The following MAP4K3 variants were observed in gnomAD, a reference collection of about 807,000 sequenced individuals.
MAP4K3 encodes the protein mitogen-activated protein kinase kinase kinase kinase 3, also known as MAPK/ERK kinase kinase kinase 3.
Under a neutral mutation model 143.5 loss-of-function variants are expected in MAP4K3, and 94 were observed. That is an observed-to-expected ratio of 0.65 (90% CI 0.55 to 0.78). MAP4K3 has a LOEUF of 0.78. Ranked by LOEUF, MAP4K3 falls within the 30% of genes least tolerant of loss-of-function variation. The pLI is 0.00. For missense variants in MAP4K3, 1,077 were observed against 1,068.1 expected, an observed-to-expected ratio of 1.01 and a Z score of -0.12; for synonymous variants, 416 against 347.2, an observed-to-expected ratio of 1.20 and a Z score of -2.20.
chr2:39,279,309 G>T (rs1180749201), intron 23 of MAP4K3, among the ~76,000 whole-genome samples: 1 of 152,168 alleles, frequency 6.6e-6, no homozygotes, highest in East Asian at 1.9e-4. Flanking sequence ...CATAAGATTT[G>T]TGGTCAGACA....
At chr2:39,368,500 C>G (rs984806472) in intron 2 of MAP4K3, among the ~76,000 whole-genome samples, 4 of 151,712 alleles carry the variant, frequency 2.6e-5, no homozygotes, top group African/African-American at 9.6e-5. Context: ...GACCCAGTCT[C>G]TACAAAAAAA....
intron 2 of MAP4K3, among the ~76,000 whole-genome samples, chr2:39,371,455 G>A (rs575462911): frequency 1.4e-4 from 21 of 152,252 alleles, no homozygotes; most frequent in African/African-American, 5.1e-4. Flanking sequence ...AGGAAAGAGT[G>A]GAATGTTTAA....
chr2:39,309,285 A>C (rs1682851908), intron 14 of MAP4K3, among the ~76,000 whole-genome samples, 176 bp downstream of exon 14: 1 of 152,128 alleles, frequency 6.6e-6, no homozygotes, highest in African/African-American at 2.4e-5. Context: ...TGCCACGTCA[A>C]CTAAGTTTTA....
At position 39,284,644 on chromosome 2, in the gene MAP4K3, G is replaced by A. The variant is rs573775553; in HGVS notation, c.1588-2090C>T. Among the ~76,000 whole-genome samples, 19 of 151,846 alleles carry A rather than the reference G, an allele frequency of 1.3e-4. 1 individual carries two copies. The East Asian group carries it at 3.8e-3, about 30-fold the overall frequency. On this transcript the variant is annotated intron_variant, in intron 21 of 33. Transcript: ENST00000263881. ...GCAGATCATGAGGTCAAGGATTCGAGACCAGCCTGACCAACATGGTGAAAC... is the reference window on the plus strand; with the variant it reads ...GCAGATCATGAGGTCAAGGATTCGAAACCAGCCTGACCAACATGGTGAAAC...
chr2:39,424,366 G>A (rs536038278), intron 1 of MAP4K3, among the ~76,000 whole-genome samples: 36 of 152,274 alleles, frequency 2.4e-4, no homozygotes, highest in African/African-American at 8.7e-4. Context: ...GATGGAGGAA[G>A]GAAGTCTAGT....
chr2:39,412,010 C>A (rs1667244631), intron 1 of MAP4K3, among the ~76,000 whole-genome samples: 1 of 152,144 alleles, frequency 6.6e-6, no homozygotes, highest in Admixed American at 6.5e-5. Context: ...GTAAACCAGG[C>A]TTTCAGTAGT....
intron 20 of MAP4K3, 128 bp from the exon 21 acceptor site, chr2:39,287,092 C>A: frequency 1.8e-6 from 1 of 545,012 alleles, no homozygotes; most frequent in South Asian, 3.1e-5. Context: ...ATCACCCAAT[C>A]AGAATATTTA....
intron 1 of MAP4K3, among the ~76,000 whole-genome samples, chr2:39,427,060 A>G (rs1435486643): frequency 2.6e-5 from 4 of 152,098 alleles, no homozygotes; most frequent in Non-Finnish European, 5.9e-5. Context: ...AAAAATCTTA[A>G]AAGTCAAACA....
intron 18 of MAP4K3, 113 bp downstream of exon 18, chr2:39,292,660 C>T: frequency 1.2e-6 from 1 of 832,878 alleles, no homozygotes; most frequent in East Asian, 2.5e-5. Context: ...GAGATACAAC[C>T]CATGATATTG....
At chr2:39,344,076 C>A (rs922716052) in intron 3 of MAP4K3, among the ~76,000 whole-genome samples, 17 of 152,122 alleles carry the variant, frequency 1.1e-4, no homozygotes, top group Admixed American at 5.9e-4. Context: ...ATTCATGGTA[C>A]AGAGATGGGA....
intron 1 of MAP4K3, among the ~76,000 whole-genome samples, chr2:39,392,651 A>G (rs1171431816): frequency 6.6e-6 from 1 of 152,208 alleles, no homozygotes; most frequent in Non-Finnish European, 1.5e-5. Flanking sequence ...TATGTGTTGG[A>G]AACTGAATCC....
chr2:39,292,854 ATT>A (rs1277686291), intron 17 of MAP4K3, 28 bp from the exon 18 acceptor site: 5 of 1,579,374 alleles, frequency 3.2e-6, no homozygotes, highest in Non-Finnish European at 4.3e-6. Flanking sequence ...TGTCATTGTT[ATT>A]AAATGGATTT....
At chr2:39,332,762 G>A (rs957214598) in intron 7 of MAP4K3, among the ~76,000 whole-genome samples, 10 of 151,934 alleles carry the variant, frequency 6.6e-5, no homozygotes, top group Admixed American at 4.6e-4. Flanking sequence ...AGAAGTCACG[G>A]AGGAAATTTT....
rs140557595 is a variant in MAP4K3, at chr2:39,254,832, G to A, written c.2471-312C>T. On this transcript the variant is annotated intron_variant, in intron 31 of 33. Coordinates refer to ENST00000263881, the MANE Select transcript of MAP4K3 (RefSeq NM_003618.4). ...TGGCCTCAAGTGATCTGCCTGCCTC[G>A]CCCTCCCAAAGTGCCAGGGTTAAAG... 2.3e-3 allele frequency among the ~76,000 whole-genome samples: 346 copies of A among 151,890 alleles called. 4 individuals are homozygous for A. In the East Asian group the frequency reaches 0.03, roughly 13 times the overall value.
chr2:39,325,702 T>G (rs751059808), intron 11 of MAP4K3, 28 bp downstream of exon 11: 3 of 1,567,514 alleles, frequency 1.9e-6, no homozygotes, highest in Non-Finnish European at 1.7e-6. Context: ...TTGAAATATA[T>G]ATATATATTT....
At chr2:39,414,648 G>C (rs779828013) in intron 1 of MAP4K3, among the ~76,000 whole-genome samples, 2 of 152,102 alleles carry the variant, frequency 1.3e-5, no homozygotes, top group African/African-American at 2.4e-5. Flanking sequence ...GGCCCAGGTG[G>C]GCGGATCACG....
chr2:39,357,951 T>C (rs910633499), intron 2 of MAP4K3, among the ~76,000 whole-genome samples: 1 of 152,184 alleles, frequency 6.6e-6, no homozygotes, highest in Non-Finnish European at 1.5e-5. Context: ...AAAAGCTCTC[T>C]TTCTGGGGGT....
Position 39,358,222 on chromosome 2 carries a change from G to C in MAP4K3, c.155-1883C>G, listed in dbSNP as rs1028578721. 1.2e-4 allele frequency among the ~76,000 whole-genome samples: 18 copies of C among 152,074 alleles called. 1 individual carries two copies. Among genetic ancestry groups the C allele is most frequent in the African/African-American group, 4.3e-4 (18 of 41,402 alleles). ...TAACTTCTACAGTGATCTTTGTATT[G>C]AGCACTTTTATTATATTACACTGAT... On this transcript the variant is annotated intron_variant, in intron 2 of 33. Coordinates refer to ENST00000263881, the MANE Select transcript of MAP4K3 (RefSeq NM_003618.4).
intron 28 of MAP4K3, among the ~76,000 whole-genome samples, chr2:39,262,174 T>A (rs1040333951): frequency 6.6e-6 from 1 of 152,222 alleles, no homozygotes; most frequent in Non-Finnish European, 1.5e-5. Flanking sequence ...TGGCAACTCA[T>A]AAATTCTAAA....
Sources: allele counts gnomAD v4.1 joint callset (sites outside exome capture counted in the v4.1 genomes callset), GRCh38; gene constraint gnomAD v4.1.1; transcripts MANE v1.5; gene names NCBI Gene and HGNC (gene_info 2026-07-23, HGNC 2026-07-21).